COL25A1: variants seen among roughly 807,000 people sequenced by gnomAD.
COL25A1 encodes collagen type XXV alpha 1 chain, also known as collagen alpha-1(XXV) chain.
Under a neutral mutation model 128.4 loss-of-function variants are expected in COL25A1, and 103 were observed. That is an observed-to-expected ratio of 0.80 (90% CI 0.68 to 0.94). The LOEUF is 0.94. Ranked by LOEUF, COL25A1 falls within the 40% of genes least tolerant of loss-of-function variation. The pLI, the probability that COL25A1 is intolerant of heterozygous loss-of-function variation, is 0.00. For synonymous variants in COL25A1, 279 were observed against 277.2 expected, an observed-to-expected ratio of 1.01 and a Z score of -0.06; for missense variants, 745 against 840.0, an observed-to-expected ratio of 0.89 and a Z score of 1.40.
At chr4:108,903,176 T>C (rs1231969320) in intron 13 of COL25A1, among the ~76,000 whole-genome samples, 1 of 151,970 alleles carries the variant, frequency 6.6e-6, no homozygotes, top group Non-Finnish European at 1.5e-5. Flanking sequence ...TATATGAACA[T>C]TGAGGGATGA....
intron 3 of COL25A1, among the ~76,000 whole-genome samples, chr4:109,069,747 C>T (rs568381940): frequency 3.2e-4 from 48 of 152,202 alleles, no homozygotes; most frequent in Admixed American, 2.1e-3. Flanking sequence ...CCCTCTATGG[C>T]GCTATTTTCT....
At chr4:109,284,204 C>T (rs1225986223) in intron 3 of COL25A1, among the ~76,000 whole-genome samples, 2 of 152,192 alleles carry the variant, frequency 1.3e-5, no homozygotes, top group Non-Finnish European at 2.9e-5. Context: ...GCAGGCAGAT[C>T]ACCTGAGGTC....
intron 3 of COL25A1, among the ~76,000 whole-genome samples, chr4:109,051,222 G>A (rs1459621953): frequency 6.6e-6 from 1 of 152,142 alleles, no homozygotes; most frequent in African/African-American, 2.4e-5. Flanking sequence ...ACAGGCCTTA[G>A]TATCCAAGCG....
At chr4:109,076,395 T>A (rs867457540) in intron 3 of COL25A1, among the ~76,000 whole-genome samples, 1 of 152,232 alleles carries the variant, frequency 6.6e-6, no homozygotes, top group South Asian at 2.1e-4. Flanking sequence ...CTTATTAATG[T>A]ATTAATCAAT....
At position 108,886,471 on chromosome 4, in the gene COL25A1, TGTGTGTG is replaced by T. The variant is rs1560806160; in HGVS notation, c.976-2256_976-2250del. Among the ~76,000 whole-genome samples, 184 of 125,010 alleles carry T rather than the reference TGTGTGTG, an allele frequency of 1.5e-3. 2 individuals carry two copies. Among genetic ancestry groups the T allele is most frequent in the African/African-American group, 4.9e-3 (178 of 36,544 alleles). 82.0% of individuals were successfully genotyped at this position (125,010 alleles called of 152,430 possible). ...GTGTGTGTGTGTGTGTGTGTGTGTG[TGTGTGTG>T]TGTGTGTGTGTGTGTTTAGCTCATC... On this transcript the variant is annotated intron_variant, in intron 18 of 37. Transcript: ENST00000399132.
At chr4:108,874,276 T>C (rs925960587) in intron 19 of COL25A1, among the ~76,000 whole-genome samples, 1 of 152,218 alleles carries the variant, frequency 6.6e-6, no homozygotes, top group Non-Finnish European at 1.5e-5. Context: ...TATATTGGAA[T>C]GTATAATGAT....
At chr4:108,946,126 G>A (rs1220240277) in intron 8 of COL25A1, among the ~76,000 whole-genome samples, 3 of 152,112 alleles carry the variant, frequency 2.0e-5, no homozygotes, top group African/African-American at 7.2e-5. Flanking sequence ...ATTCTGTGAA[G>A]TAGGCAACCA....
intron 3 of COL25A1, among the ~76,000 whole-genome samples, chr4:109,055,737 C>T (rs1294357221): frequency 6.6e-6 from 1 of 152,190 alleles, no homozygotes; most frequent in Admixed American, 6.6e-5. Context: ...AGGCATGAGG[C>T]TGACCACTCG....
At chr4:109,158,722 A>T (rs970288990) in intron 3 of COL25A1, among the ~76,000 whole-genome samples, 4 of 152,226 alleles carry the variant, frequency 2.6e-5, no homozygotes, top group Non-Finnish European at 5.9e-5. Context: ...TTTGCAGGGA[A>T]CAAGCTTGAG....
intron 5 of COL25A1, among the ~76,000 whole-genome samples, chr4:109,015,596 C>T (rs952810825): frequency 6.6e-6 from 1 of 152,158 alleles, no homozygotes; most frequent in Non-Finnish European, 1.5e-5. Context: ...CACTGACTCA[C>T]TGTACGTCAA....
At position 109,271,356 on chromosome 4, in the gene COL25A1, A is replaced by G. The variant is rs1342211282; in HGVS notation, c.367+29227T>C. ...ATTCTACTTCACCTAGCTGAAAACTATATTACATATTTCCTTTGGCCTTCT... is the reference window on the plus strand; with the variant it reads ...ATTCTACTTCACCTAGCTGAAAACTGTATTACATATTTCCTTTGGCCTTCT... On this transcript the variant is annotated intron_variant, in intron 3 of 37. Transcript: ENST00000399132. 5.3e-5 allele frequency among the ~76,000 whole-genome samples: 8 copies of G among 152,222 alleles called. No homozygotes were observed. The South Asian group carries it at 1.4e-3, about 28-fold the overall frequency.
chr4:109,135,631 A>C (rs7696235), intron 3 of COL25A1, among the ~76,000 whole-genome samples: 42,927 of 150,380 alleles, frequency 0.29, 6,924 homozygotes, highest in African/African-American at 0.44. Flanking sequence ...AAACAATTGA[A>C]GCTTCACTTA....
At chr4:109,141,013 G>A (rs948079839) in intron 3 of COL25A1, among the ~76,000 whole-genome samples, 1 of 152,118 alleles carries the variant, frequency 6.6e-6, no homozygotes, top group Non-Finnish European at 1.5e-5. Context: ...TCTTGTGCCA[G>A]TTTTCAAAGG....
intron 35 of COL25A1, chr4:108,823,771 C>A: frequency 2.6e-6 from 1 of 387,904 alleles, no homozygotes; most frequent in Non-Finnish European, 4.1e-6. Flanking sequence ...CATTTCTCTA[C>A]TGGGAAGTAG....
intron 3 of COL25A1, among the ~76,000 whole-genome samples, chr4:109,285,352 A>G (rs577219976): frequency 6.6e-6 from 1 of 152,308 alleles, no homozygotes; most frequent in South Asian, 2.1e-4. Flanking sequence ...ATTGTCCAAA[A>G]TTGAAAGCTC....
intron 26 of COL25A1, among the ~76,000 whole-genome samples, chr4:108,849,370 T>C (rs929427769): frequency 3.3e-5 from 5 of 152,208 alleles, no homozygotes; most frequent in African/African-American, 1.2e-4. Flanking sequence ...GATATCTTAA[T>C]GCATATGAAA....
chr4:109,145,936 T>C (rs546857553), intron 3 of COL25A1, among the ~76,000 whole-genome samples: 1 of 152,238 alleles, frequency 6.6e-6, no homozygotes, highest in East Asian at 1.9e-4. Context: ...TTTTATATTA[T>C]CTCCATGCTA....
In COL25A1 at chr4:109,200,361, C is replaced by G. The variant is rs117996909; in HGVS notation, c.367+100222G>C. Reference sequence around the variant, plus strand: ...ACCTCATGCATTCTGGCAATTTTATCAAAGAATTTTGAATCACCAAATCCA... The same window carrying G: ...ACCTCATGCATTCTGGCAATTTTATGAAAGAATTTTGAATCACCAAATCCA... On this transcript the variant is annotated intron_variant, in intron 3 of 37. Coordinates refer to ENST00000399132, the MANE Select transcript of COL25A1 (RefSeq NM_198721.4). Among the ~76,000 whole-genome samples, 1,287 of 152,294 alleles carry G rather than the reference C, an allele frequency of 8.5e-3. 56 individuals are homozygous for G. The South Asian group carries it at 0.14, about 16-fold the overall frequency.
intron 3 of COL25A1, among the ~76,000 whole-genome samples, chr4:109,135,405 A>T (rs1189533819): frequency 6.6e-6 from 1 of 152,188 alleles, no homozygotes; most frequent in African/African-American, 2.4e-5. Context: ...CAGTCACATA[A>T]ATTTACCCTA....
Sources: gnomAD v4.1 joint callset for allele counts (sites outside exome capture counted in the v4.1 genomes callset) on GRCh38, gnomAD v4.1.1 for gene constraint, MANE v1.5 for transcripts, NCBI Gene and HGNC (gene_info 2026-07-23, HGNC 2026-07-21) for gene names.